PIGK: variants seen among roughly 807,000 people sequenced by gnomAD.
PIGK encodes GPI-anchor transamidase.
In PIGK, 42 loss-of-function variants were observed where a neutral mutation model predicts 50.6. The observed-to-expected ratio is 0.83, with a 90% CI of 0.65 to 1.07. PIGK has a LOEUF of 1.07. Among genes scored for constraint, PIGK ranks in the 50% least tolerant of loss-of-function variants. The pLI is 0.00. For missense variants in PIGK, 448 were observed against 488.7 expected (o/e 0.92, Z 0.78); for synonymous variants, 151 against 156.0 (o/e 0.97, Z 0.24).
intron 3 of PIGK, among the ~76,000 whole-genome samples, chr1:77,175,752 A>ATAT (rs1655470499): frequency 6.6e-6 from 1 of 152,176 alleles, no homozygotes; most frequent in Admixed American, 6.5e-5. Flanking sequence ...GATATTATTC[A>ATAT]GTTTTTACAT....
intron 3 of PIGK, among the ~76,000 whole-genome samples, chr1:77,183,907 CA>C (rs1230987653): frequency 1.3e-5 from 2 of 152,056 alleles, no homozygotes; most frequent in Admixed American, 6.6e-5. Flanking sequence ...AGAGAGGATC[CA>C]GAAGATATAT....
chr1:77,123,044 G>T (rs1053563017), intron 9 of PIGK, among the ~76,000 whole-genome samples: 2 of 151,964 alleles, frequency 1.3e-5, no homozygotes, highest in African/African-American at 4.8e-5. Context: ...ATTCTGAGAG[G>T]TTATTTTATA....
chr1:77,177,457 G>A (rs369043690), intron 3 of PIGK, among the ~76,000 whole-genome samples: 16 of 152,352 alleles, frequency 1.1e-4, no homozygotes, highest in African/African-American at 3.8e-4. Context: ...TTAAGGACAT[G>A]CTCCTGCTGC....
intron 10 of PIGK, among the ~76,000 whole-genome samples, chr1:77,118,519 C>T (rs778822712): frequency 3.3e-5 from 5 of 152,118 alleles, no homozygotes; most frequent in Non-Finnish European, 5.9e-5. Flanking sequence ...TATCAATTTT[C>T]CTTTGTAGTT....
At chr1:77,175,775 T>TA (rs974480430) in intron 3 of PIGK, among the ~76,000 whole-genome samples, 2 of 151,944 alleles carry the variant, frequency 1.3e-5, no homozygotes, top group East Asian at 1.9e-4. Flanking sequence ...AGTGAACATT[T>TA]AAAAAAAAGC....
chr1:77,116,546 CT>C (rs1215524676), intron 10 of PIGK, among the ~76,000 whole-genome samples: 1 of 148,466 alleles, frequency 6.7e-6, no homozygotes, highest in African/African-American at 2.5e-5. Context: ...TCTAAACAAG[CT>C]GTTTAAATGT....
intron 10 of PIGK, among the ~76,000 whole-genome samples, chr1:77,101,291 T>C (rs896942130): frequency 6.6e-6 from 1 of 152,222 alleles, no homozygotes; most frequent in African/African-American, 2.4e-5. Flanking sequence ...TTCCTAGTCT[T>C]CCATACCTAT....
chr1:77,187,539 A>G (rs1434252505), intron 3 of PIGK, among the ~76,000 whole-genome samples: 1 of 152,210 alleles, frequency 6.6e-6, no homozygotes, highest in African/African-American at 2.4e-5. Context: ...TTAAGTCAAC[A>G]GGCTAATAAG....
chr1:77,207,714 A>G (rs553109091), intron 2 of PIGK, among the ~76,000 whole-genome samples: 5 of 152,182 alleles, frequency 3.3e-5, no homozygotes, highest in African/African-American at 4.8e-5. Flanking sequence ...ACTTGGTAAT[A>G]TATCTACCAA....
intron 3 of PIGK, among the ~76,000 whole-genome samples, chr1:77,189,724 TATATATATATATATATATATATATACAC>T (rs1425998610): frequency 7.0e-4 from 50 of 70,970 alleles, no homozygotes; most frequent in South Asian, 3.8e-3. Context: ...TATATATATA[TATATATATATATATATATATATATACAC>T]ACACACACAC....
intron 3 of PIGK, among the ~76,000 whole-genome samples, chr1:77,185,544 CAAGA>C (rs1655720474): frequency 1.3e-5 from 2 of 152,288 alleles, no homozygotes; most frequent in Non-Finnish European, 2.9e-5. Context: ...CTCCTACCAC[CAAGA>C]AAGAGGCACA....
chr1:77,169,362 G>C lies in PIGK; in HGVS notation c.273C>G (p.Ala91=). The C allele has an allele frequency of 1.2e-6, 2 of 1,605,696 alleles. No individual in the cohort carries two copies. Among genetic ancestry groups the C allele is most frequent in the Middle Eastern group, 3.3e-4 (2 of 6,038 alleles). ...CTGGTTTGGGATTTCTAGGATTACA[G>C]GCCATATCATCTGCAAGCATTAGGA... The part of the protein sequence containing the change: ...HIVLMLADDM[A]CNPRNPKPAT... Residue 91 remains alanine, a synonymous_variant, in exon 4 of 11, where the codon GCC becomes GCG. Coordinates refer to ENST00000370812, the MANE Select transcript of PIGK (RefSeq NM_005482.3).
In PIGK at chr1:77,189,313, T is replaced by C. The variant is rs778080011; in HGVS notation, c.239+17327A>G. ...TGTATGGGTTCAAGTTGACAAGGGA[T>C]AGACTTGTGATGGTTACTGAGTGTC... On this transcript the variant is annotated intron_variant, in intron 3 of 10. Transcript: ENST00000370812. Among the ~76,000 whole-genome samples, 16 of 152,274 alleles carry C rather than the reference T, an allele frequency of 1.1e-4. No individual in the cohort carries two copies. In the South Asian group the frequency reaches 1.2e-3, roughly 12 times the overall value.
rs541484367 is a variant in PIGK at position 77,123,098 on chromosome 1, C to G, written c.987-739G>C. ...TCTACATGTACAATGAGATACAAAG[C>G]TGATATAATCCATATCTAGGACAAT... is the stretch of plus-strand genomic sequence containing the variant. On this transcript the variant is annotated intron_variant, in intron 9 of 10. Transcript: ENST00000370812. Among the ~76,000 whole-genome samples, 11 of 152,128 alleles carry G rather than the reference C, an allele frequency of 7.2e-5. No individual in the cohort carries two copies. In the East Asian group the frequency reaches 7.7e-4, roughly 11 times the overall value.
At chr1:77,156,022 T>C (rs897351350) in intron 8 of PIGK, among the ~76,000 whole-genome samples, 1 of 151,878 alleles carries the variant, frequency 6.6e-6, no homozygotes, top group African/African-American at 2.4e-5. Flanking sequence ...ATCCTTGTCA[T>C]CCCTATTCAG....
At chr1:77,160,522 T>C (rs1365097614) in intron 8 of PIGK, among the ~76,000 whole-genome samples, 2 of 152,180 alleles carry the variant, frequency 1.3e-5, no homozygotes, top group Non-Finnish European at 2.9e-5. Flanking sequence ...AGGAACGGCA[T>C]CTGCCTCTTT....
intron 9 of PIGK, among the ~76,000 whole-genome samples, chr1:77,124,720 A>G (rs1418929395): frequency 6.6e-6 from 1 of 152,190 alleles, no homozygotes; most frequent in East Asian, 1.9e-4. Flanking sequence ...GGACACAATC[A>G]GAATGAAAAA....
chr1:77,196,024 A>G (rs1045725991), intron 3 of PIGK, among the ~76,000 whole-genome samples: 10 of 151,902 alleles, frequency 6.6e-5, no homozygotes, highest in African/African-American at 2.4e-4. Flanking sequence ...TCCCATCTTT[A>G]TGTGCATGTG....
At chr1:77,203,967 A>G (rs1324219454) in intron 3 of PIGK, among the ~76,000 whole-genome samples, 1 of 152,166 alleles carries the variant, frequency 6.6e-6, no homozygotes, top group Non-Finnish European at 1.5e-5. Context: ...TTGTTTGTAG[A>G]GCATGTGTGT....
Sources: allele counts gnomAD v4.1 joint callset (sites outside exome capture counted in the v4.1 genomes callset), GRCh38; gene constraint gnomAD v4.1.1; transcripts MANE v1.5; gene names NCBI Gene and HGNC (gene_info 2026-07-23, HGNC 2026-07-21).